PPP1R21: variants seen among roughly 807,000 people sequenced by gnomAD.
PPP1R21 encodes the protein KLRAQ motif containing 1.
A neutral mutation model predicts 112.8 loss-of-function variants in PPP1R21; 85 were observed. The observed-to-expected ratio is 0.75, with a 90% CI of 0.63 to 0.90. PPP1R21 has a LOEUF of 0.90. Ranked by LOEUF, PPP1R21 falls within the 40% of genes least tolerant of loss-of-function variation. The probability of loss-of-function intolerance (pLI) is 0.00; values close to 1 mark genes in which losing one functional copy is unlikely to be tolerated. For missense variants in PPP1R21, 1,199 were observed against 901.5 expected (o/e 1.33, Z -4.23); for synonymous variants, 381 against 322.3 (o/e 1.18, Z -1.95).
intron 17 of PPP1R21, among the ~76,000 whole-genome samples, chr2:48,502,943 G>A (rs1488798451): frequency 1.3e-5 from 2 of 152,104 alleles, no homozygotes; most frequent in East Asian, 3.9e-4. Context: ...GCCTCCCAAA[G>A]TGCTGGGATT....
At chr2:48,454,457 A>C (rs1667621918) in intron 2 of PPP1R21, 138 bp from the exon 3 acceptor site, 1 of 955,884 alleles carries the variant, frequency 1.0e-6, no homozygotes. Flanking sequence ...TTAAGAACTG[A>C]AGTGATACAC....
At chr2:48,457,904 C>T in intron 3 of PPP1R21, 1 of 469,152 alleles carries the variant, frequency 2.1e-6, no homozygotes, top group Non-Finnish European at 4.2e-6. Flanking sequence ...CTGTTCTTTT[C>T]TCTCTCTTTT....
At chr2:48,477,213 G>A (rs1020493458) in intron 12 of PPP1R21, among the ~76,000 whole-genome samples, 2 of 146,924 alleles carry the variant, frequency 1.4e-5, no homozygotes, top group Admixed American at 1.4e-4. Context: ...ACTGCCTCCC[G>A]GATTTAAGTG....
intron 12 of PPP1R21, among the ~76,000 whole-genome samples, 191 bp downstream of exon 12, chr2:48,475,010 G>A (rs1004217475): frequency 6.6e-6 from 1 of 152,120 alleles, no homozygotes; most frequent in Non-Finnish European, 1.5e-5. Flanking sequence ...CTGGACTTCT[G>A]GTTTTCTATT....
At chr2:48,487,260 T>C (rs1481807017) in intron 14 of PPP1R21, among the ~76,000 whole-genome samples, 2 of 152,188 alleles carry the variant, frequency 1.3e-5, no homozygotes, top group Non-Finnish European at 2.9e-5. Flanking sequence ...CATTAATACT[T>C]TGGGTTTTTT....
intron 16 of PPP1R21, among the ~76,000 whole-genome samples, chr2:48,496,711 C>G (rs1210186229): frequency 6.6e-6 from 1 of 152,154 alleles, no homozygotes; most frequent in African/African-American, 2.4e-5. Context: ...CAAGTGATCC[C>G]CTGCCTTGGC....
Position 48,510,056 on chromosome 2 carries a change from T to C in PPP1R21, c.2127T>C (p.Ser709=). Residue 709 remains serine, a synonymous_variant, in exon 20 of 22, where the codon TCT becomes TCC. Transcript: ENST00000294952. ...AAAGACTGGCCTTGGCTGAAAAGTCTAAGGAAGCATTGACAGAAGAAATGA... is the reference window on the plus strand; with the variant it reads ...AAAGACTGGCCTTGGCTGAAAAGTCCAAGGAAGCATTGACAGAAGAAATGA... The part of the protein sequence containing the change: ...LSKRLALAEK[S]KEALTEEMKL... 1 of 1,614,070 alleles carries C rather than the reference T, an allele frequency of 6.2e-7. No homozygotes were observed. Among genetic ancestry groups the C allele is most frequent in the East Asian group, 2.2e-5 (1 of 44,882 alleles).
chr2:48,514,196 C>G (rs1397791630), intron 21 of PPP1R21, among the ~76,000 whole-genome samples: 1 of 151,304 alleles, frequency 6.6e-6, no homozygotes, highest in Non-Finnish European at 1.5e-5. Context: ...TGCCATTCTC[C>G]TGCCTTAGCC....
chr2:48,495,737 G>C lies in PPP1R21; in HGVS notation c.1658G>C (p.Ser553Thr). The C allele has an allele frequency of 6.2e-7, 1 of 1,611,812 alleles. No individual in the cohort carries two copies. ...EALANRRILL[S>T]STESREGLAQ... ...CTGGCAAACCGCCGCATCCTTCTCAGCTCTACTGAAAGTCGAGAAGGCCTT... is the reference window on the plus strand; with the variant it reads ...CTGGCAAACCGCCGCATCCTTCTCACCTCTACTGAAAGTCGAGAAGGCCTT... Residue 553 changes from serine to threonine, a missense_variant, in exon 16 of 22, where the codon AGC (serine) becomes ACC (threonine). Physicochemically the swap from Ser to Thr is moderately conservative, Grantham distance 58. Coordinates refer to ENST00000294952, the MANE Select transcript of PPP1R21 (RefSeq NM_001135629.3).
At chr2:48,470,808 G>T (rs967890229) in intron 9 of PPP1R21, among the ~76,000 whole-genome samples, 7 of 152,124 alleles carry the variant, frequency 4.6e-5, no homozygotes, top group Non-Finnish European at 8.8e-5. Context: ...TCTGATGCCT[G>T]GTTATTAATT....
chr2:48,463,020 G>A (rs758901006), intron 7 of PPP1R21, among the ~76,000 whole-genome samples: 31 of 152,172 alleles, frequency 2.0e-4, no homozygotes, highest in Non-Finnish European at 3.8e-4. Context: ...ACAGGAGCAG[G>A]TTTATGGGAG....
At chr2:48,445,135 CTTTTTTTTTTT>C (rs756357658) in intron 1 of PPP1R21, among the ~76,000 whole-genome samples, 16 of 102,636 alleles carry the variant, frequency 1.6e-4, no homozygotes, top group African/African-American at 6.0e-4. Context: ...TGAATATGAG[CTTTTTTTTTTT>C]TTTTTTTTTT....
chr2:48,463,975 G>A (rs1295193691), intron 7 of PPP1R21, among the ~76,000 whole-genome samples: 1 of 152,134 alleles, frequency 6.6e-6, no homozygotes, highest in Non-Finnish European at 1.5e-5. Flanking sequence ...TAGATGCCAT[G>A]GGAAATAAAA....
At chr2:48,500,921 C>A (rs4953586) in intron 17 of PPP1R21, among the ~76,000 whole-genome samples, 144,029 of 150,192 alleles carry the variant, frequency 0.96, 69,332 homozygotes, top group Middle Eastern at 0.99. Flanking sequence ...CAAAAAAAAA[C>A]CCCAAAGAAA....
chr2:48,477,412 C>A (rs1381430380), intron 12 of PPP1R21, among the ~76,000 whole-genome samples: 1 of 152,178 alleles, frequency 6.6e-6, no homozygotes, highest in Non-Finnish European at 1.5e-5. Context: ...TAAGCCACCA[C>A]ACCCAACCTC....
intron 18 of PPP1R21, among the ~76,000 whole-genome samples, chr2:48,506,279 A>G (rs1297421481): frequency 1.3e-5 from 2 of 152,174 alleles, no homozygotes; most frequent in Non-Finnish European, 2.9e-5. Flanking sequence ...CTTCTAGTAG[A>G]GACAGGGTTT....
At chr2:48,478,128 A>G (rs1668841174) in intron 12 of PPP1R21, among the ~76,000 whole-genome samples, 1 of 152,200 alleles carries the variant, frequency 6.6e-6, no homozygotes, top group Non-Finnish European at 1.5e-5. Flanking sequence ...TGGAAGAGGC[A>G]AGAAAGAATT....
chr2:48,446,057 A>ATTGAAGAAAAAAC, intron 1 of PPP1R21, among the ~76,000 whole-genome samples: 2 of 152,294 alleles, frequency 1.3e-5, no homozygotes, highest in South Asian at 4.1e-4. Flanking sequence ...AAAAGACTGT[A>ATTGAAGAAAAAAC]TGTTTAAAAG....
At chr2:48,508,940 G>T (rs546512592) in intron 19 of PPP1R21, among the ~76,000 whole-genome samples, 84 of 152,258 alleles carry the variant, frequency 5.5e-4, no homozygotes, top group African/African-American at 1.9e-3. Context: ...AACAGGAAGT[G>T]GTGACCTCCC....
Sources: gnomAD v4.1 joint callset for allele counts (sites outside exome capture counted in the v4.1 genomes callset) on GRCh38, gnomAD v4.1.1 for gene constraint, MANE v1.5 for transcripts, NCBI Gene and HGNC (gene_info 2026-07-23, HGNC 2026-07-21) for gene names.